The following DLG2 variants were observed in gnomAD, a reference collection of about 807,000 sequenced individuals.
DLG2 encodes disks large homolog 2.
In DLG2, 45 loss-of-function variants were observed where a neutral mutation model predicts 132.5. That is an observed-to-expected ratio of 0.34 (90% confidence interval 0.27 to 0.44). DLG2 has a LOEUF of 0.44. Ranked by LOEUF, DLG2 falls within the 20% of genes least tolerant of loss-of-function variation. The pLI, the probability that DLG2 is intolerant of heterozygous loss-of-function variation, is 1.00. For synonymous variants in DLG2, 424 were observed against 419.6 expected (o/e 1.01, Z -0.13); for missense variants, 1,045 against 1,196.9 (o/e 0.87, Z 1.87).
intron 6 of DLG2, among the ~76,000 whole-genome samples, chr11:84,945,218 C>G (rs1342487499): frequency 6.6e-6 from 1 of 152,180 alleles, no homozygotes; most frequent in Non-Finnish European, 1.5e-5. Flanking sequence ...AGGTAACTGA[C>G]TATTGTGATC....
At chr11:83,628,058 GTTGT>G (rs1169604609) in intron 19 of DLG2, among the ~76,000 whole-genome samples, 1 of 152,134 alleles carries the variant, frequency 6.6e-6, no homozygotes, top group Non-Finnish European at 1.5e-5. Context: ...TTTTGATGGG[GTTGT>G]TTGTGTTTTT....
chr11:85,606,122 G>C lies in DLG2; in HGVS notation c.-92-7334C>G, dbSNP rs2080517353. On this transcript the variant is annotated intron_variant, in intron 2 of 27. Transcript: ENST00000376104. ...GTCATGGAAGATTTTTAACTGAAGAGGAATATGACCATTTTTTAGATTTAG... is the reference window on the plus strand; with the variant it reads ...GTCATGGAAGATTTTTAACTGAAGACGAATATGACCATTTTTTAGATTTAG... Among the ~76,000 whole-genome samples, 6 of 152,210 alleles carry C rather than the reference G, an allele frequency of 3.9e-5. No individual in the cohort carries two copies. The South Asian group carries it at 1.0e-3, about 26-fold the overall frequency.
At chr11:85,048,256 T>A (rs781189203) in intron 6 of DLG2, among the ~76,000 whole-genome samples, 6 of 151,948 alleles carry the variant, frequency 3.9e-5, no homozygotes, top group Non-Finnish European at 7.4e-5. Flanking sequence ...CTGTTAATTG[T>A]CCTTCTATGC....
At chr11:84,156,869 C>T (rs1179111632) in intron 9 of DLG2, among the ~76,000 whole-genome samples, 1 of 152,186 alleles carries the variant, frequency 6.6e-6, no homozygotes, top group Non-Finnish European at 1.5e-5. Flanking sequence ...CTCCCCAGCT[C>T]TCCAGATATC....
At chr11:83,548,446 T>C (rs1449526088) in intron 19 of DLG2, among the ~76,000 whole-genome samples, 2 of 152,078 alleles carry the variant, frequency 1.3e-5, no homozygotes, top group Admixed American at 1.3e-4. Context: ...ACGGCAGTAA[T>C]GTAAAGCTAA....
intron 2 of DLG2, among the ~76,000 whole-genome samples, chr11:85,620,104 C>A (rs550570524): frequency 1.9e-4 from 29 of 152,262 alleles, no homozygotes; most frequent in African/African-American, 7.0e-4. Context: ...CATGTCTCTG[C>A]GTCACATTTT....
chr11:85,571,861 A>G (rs2153225640), intron 3 of DLG2, among the ~76,000 whole-genome samples: 2 of 152,320 alleles, frequency 1.3e-5, no homozygotes, highest in South Asian at 4.1e-4. Flanking sequence ...GTTCTGAGTT[A>G]GGTGAGATAA....
At chr11:83,658,320 C>A (rs1015806155) in intron 18 of DLG2, among the ~76,000 whole-genome samples, 2 of 152,088 alleles carry the variant, frequency 1.3e-5, no homozygotes, top group African/African-American at 4.8e-5. Flanking sequence ...TGCTTCTTTA[C>A]TGTAATAATC....
At chr11:84,685,694 C>T (rs964717343) in intron 6 of DLG2, among the ~76,000 whole-genome samples, 3 of 151,910 alleles carry the variant, frequency 2.0e-5, no homozygotes, top group African/African-American at 2.4e-5. Context: ...TAATATTTTG[C>T]TCTGTATTTT....
At chr11:85,284,144 G>T (rs1179083653) in intron 4 of DLG2, among the ~76,000 whole-genome samples, 3 of 151,716 alleles carry the variant, frequency 2.0e-5, no homozygotes, top group South Asian at 2.1e-4. Context: ...ACATATATTT[G>T]TACAAAAAAG....
At chr11:84,565,119 T>G (rs2099447293) in intron 6 of DLG2, among the ~76,000 whole-genome samples, 1 of 152,104 alleles carries the variant, frequency 6.6e-6, no homozygotes, top group Non-Finnish European at 1.5e-5. Flanking sequence ...AAAAATAAAA[T>G]ATTTTCATTT....
chr11:83,815,461 G>A (rs928931556), intron 17 of DLG2, among the ~76,000 whole-genome samples: 1 of 152,142 alleles, frequency 6.6e-6, no homozygotes, highest in Non-Finnish European at 1.5e-5. Flanking sequence ...AACCAGAGGT[G>A]GGAAGGTTGG....
chr11:84,012,397 A>AGCCTT (rs1483690535), intron 11 of DLG2, among the ~76,000 whole-genome samples: 1 of 152,138 alleles, frequency 6.6e-6, no homozygotes, highest in Admixed American at 6.5e-5. Context: ...TTACTCTAAT[A>AGCCTT]GCCTTTGGAA....
intron 4 of DLG2, among the ~76,000 whole-genome samples, chr11:85,279,068 T>C (rs2078073299): frequency 6.6e-6 from 1 of 152,208 alleles, no homozygotes; most frequent in African/African-American, 2.4e-5. Flanking sequence ...TCCTCATCTT[T>C]ATAACTGATA....
intron 6 of DLG2, among the ~76,000 whole-genome samples, chr11:84,848,953 G>A (rs1420540745): frequency 1.3e-5 from 2 of 152,192 alleles, no homozygotes; most frequent in Non-Finnish European, 2.9e-5. Flanking sequence ...AGGTAATACA[G>A]TGCCAGCTCT....
At chr11:83,675,278 A>G (rs1400827144) in intron 18 of DLG2, among the ~76,000 whole-genome samples, 1 of 152,232 alleles carries the variant, frequency 6.6e-6, no homozygotes, top group African/African-American at 2.4e-5. Flanking sequence ...TCTTTGAAGC[A>G]TTGACATTTT....
chr11:83,865,337 T>A (rs754698566), intron 16 of DLG2, among the ~76,000 whole-genome samples: 17 of 152,010 alleles, frequency 1.1e-4, no homozygotes, highest in Non-Finnish European at 2.2e-4. Flanking sequence ...GATAAATGAC[T>A]CTTACCCAAC....
intron 21 of DLG2, among the ~76,000 whole-genome samples, chr11:83,489,941 G>C (rs1267232624): frequency 1.4e-5 from 2 of 138,120 alleles, no homozygotes; most frequent in African/African-American, 5.2e-5. Context: ...ATGGTGACCA[G>C]TAATTAGAGG....
At chr11:85,182,078 T>C (rs777685582) in intron 4 of DLG2, among the ~76,000 whole-genome samples, 4 of 151,946 alleles carry the variant, frequency 2.6e-5, no homozygotes, top group Non-Finnish European at 5.9e-5. Flanking sequence ...ATTTTGGTAG[T>C]TGGGGTTAGA....
Sources: gnomAD v4.1 joint callset for allele counts (sites outside exome capture counted in the v4.1 genomes callset) on GRCh38, gnomAD v4.1.1 for gene constraint, MANE v1.5 for transcripts, NCBI Gene and HGNC (gene_info 2026-07-23, HGNC 2026-07-21) for gene names.